Variants in DSCAM observed in about 807,000 individuals in gnomAD.
DSCAM encodes cell adhesion molecule DSCAM.
DSCAM carries 47 observed loss-of-function variants against 217.7 expected under a neutral mutation model. The observed-to-expected ratio is 0.22, with a 90% CI of 0.17 to 0.28. The LOEUF (loss-of-function observed/expected upper bound fraction) is 0.28, where lower values mean the gene tolerates loss of function less well. DSCAM is among the 10% of genes least tolerant of loss of function. The pLI is 1.00. For missense variants in DSCAM, 2,080 were observed against 2,618.3 expected (o/e 0.79, Z 4.49); for synonymous variants, 1,056 against 1,015.3 (o/e 1.04, Z -0.76).
chr21:40,578,740 G>A (rs2076877963), intron 3 of DSCAM, among the ~76,000 whole-genome samples: 1 of 152,162 alleles, frequency 6.6e-6, no homozygotes, highest in Non-Finnish European at 1.5e-5. Flanking sequence ...AAGTCAGCGA[G>A]AACAAGAACC....
At chr21:40,663,523 G>T (rs2090165968) in intron 3 of DSCAM, among the ~76,000 whole-genome samples, 1 of 152,140 alleles carries the variant, frequency 6.6e-6, no homozygotes, top group African/African-American at 2.4e-5. Context: ...GAGCACTTGG[G>T]TTTTCCTTTG....
chr21:40,427,763 G>A (rs1452729671), intron 3 of DSCAM, among the ~76,000 whole-genome samples: 1 of 152,250 alleles, frequency 6.6e-6, no homozygotes, highest in Admixed American at 6.5e-5. Context: ...AAGCTAGGGA[G>A]GCTATGCTCA....
chr21:40,088,308 C>A (rs139742700), intron 21 of DSCAM, among the ~76,000 whole-genome samples: 2 of 152,214 alleles, frequency 1.3e-5, no homozygotes, highest in Non-Finnish European at 2.9e-5. Context: ...ACCCCTGCAC[C>A]ATTTCTGGGT....
intron 1 of DSCAM, among the ~76,000 whole-genome samples, chr21:40,821,382 G>GAC (rs903398005): frequency 2.1e-5 from 3 of 143,184 alleles, no homozygotes; most frequent in Admixed American, 7.4e-5. Context: ...CACACACACA[G>GAC]ACACACGCGC....
At chr21:40,508,047 C>G (rs891142366) in intron 3 of DSCAM, among the ~76,000 whole-genome samples, 18 of 152,252 alleles carry the variant, frequency 1.2e-4, no homozygotes, top group African/African-American at 3.9e-4. Context: ...TGGAGCCACC[C>G]TACATGGAGA....
At chr21:40,257,571 CT>C (rs1447234544) in intron 11 of DSCAM, among the ~76,000 whole-genome samples, 1 of 151,918 alleles carries the variant, frequency 6.6e-6, no homozygotes, top group Non-Finnish European at 1.5e-5. Flanking sequence ...CATCCTTAGC[CT>C]TTTACAGTGA....
intron 32 of DSCAM, among the ~76,000 whole-genome samples, chr21:40,015,655 T>C (rs1461255891): frequency 2.0e-5 from 3 of 152,172 alleles, no homozygotes; most frequent in African/African-American, 7.2e-5. Flanking sequence ...CAGGCTGGTC[T>C]CAAACTCTTG....
chr21:40,627,832 C>G (rs2089622434), intron 3 of DSCAM, among the ~76,000 whole-genome samples: 1 of 152,210 alleles, frequency 6.6e-6, no homozygotes, highest in African/African-American at 2.4e-5. Flanking sequence ...GATTTACTAA[C>G]TTTAAATCAG....
intron 11 of DSCAM, among the ~76,000 whole-genome samples, chr21:40,211,012 G>A (rs530919710): frequency 4.6e-5 from 7 of 152,322 alleles, no homozygotes; most frequent in African/African-American, 1.2e-4. Context: ...CTATCTGTCT[G>A]TGTTTGCACC....
chr21:40,659,458 TTTA>T (rs1170698714), intron 3 of DSCAM, among the ~76,000 whole-genome samples: 2 of 152,132 alleles, frequency 1.3e-5, no homozygotes, highest in African/African-American at 2.4e-5. Flanking sequence ...CTGTTTTCTG[TTTA>T]TTATCTATCT....
chr21:40,161,469 A>G (rs1184507430), intron 16 of DSCAM, among the ~76,000 whole-genome samples: 1 of 152,154 alleles, frequency 6.6e-6, no homozygotes, highest in East Asian at 1.9e-4. Flanking sequence ...AAAGTAAACA[A>G]TGGTAAATGG....
chr21:40,268,004 T>C (rs1601501643), intron 11 of DSCAM, among the ~76,000 whole-genome samples: 1 of 152,260 alleles, frequency 6.6e-6, no homozygotes. Flanking sequence ...TACACACACA[T>C]ATATACATTC....
chr21:40,452,988 T>G (rs2075732397), intron 3 of DSCAM, among the ~76,000 whole-genome samples: 1 of 151,900 alleles, frequency 6.6e-6, no homozygotes, highest in Non-Finnish European at 1.5e-5. Flanking sequence ...TTTCTTTGCC[T>G]GCTGCTAGAC....
intron 5 of DSCAM, among the ~76,000 whole-genome samples, chr21:40,349,136 CAAAAA>C (rs758386936): frequency 5.2e-5 from 2 of 38,718 alleles, no homozygotes; most frequent in Non-Finnish European, 9.6e-5. Flanking sequence ...GACTCCATCT[CAAAAA>C]AAAAAAAAAA....
At chr21:40,281,206 A>G (rs1014477179) in intron 10 of DSCAM, among the ~76,000 whole-genome samples, 1 of 152,336 alleles carries the variant, frequency 6.6e-6, no homozygotes, top group Admixed American at 6.5e-5. Context: ...AAGTTACATA[A>G]TATTTCAGCT....
chr21:40,636,029 C>G (rs1289672035), intron 3 of DSCAM, among the ~76,000 whole-genome samples: 2 of 152,146 alleles, frequency 1.3e-5, no homozygotes, highest in African/African-American at 2.4e-5. Context: ...CTAATATTCT[C>G]TTAATAGATT....
At chr21:40,371,468 C>T (rs1370122143) in intron 3 of DSCAM, among the ~76,000 whole-genome samples, 1 of 150,696 alleles carries the variant, frequency 6.6e-6, no homozygotes, top group Admixed American at 6.6e-5. Flanking sequence ...ACCTTCTTAG[C>T]GTGGAGTATT....
chr21:40,344,779 A>G (rs567914398), intron 6 of DSCAM, among the ~76,000 whole-genome samples: 1 of 152,264 alleles, frequency 6.6e-6, no homozygotes, highest in African/African-American at 2.4e-5. Flanking sequence ...GAGTTTGCTG[A>G]GTTTCTTAGA....
At chr21:40,698,754 C>T (rs1310505213) in intron 2 of DSCAM, among the ~76,000 whole-genome samples, 2 of 151,922 alleles carry the variant, frequency 1.3e-5, no homozygotes, top group Non-Finnish European at 2.9e-5. Flanking sequence ...CCTGTAATCC[C>T]AGCTACTAGT....
Sources: gnomAD v4.1 joint callset for allele counts (sites outside exome capture counted in the v4.1 genomes callset) on GRCh38, gnomAD v4.1.1 for gene constraint, MANE v1.5 for transcripts, NCBI Gene and HGNC (gene_info 2026-07-23, HGNC 2026-07-21) for gene names.